SLC30A8: variants seen among roughly 807,000 people sequenced by gnomAD.
The protein encoded by SLC30A8 is solute carrier family 30 member 8, also known as proton-coupled zinc antiporter SLC30A8.
SLC30A8 carries 27 observed loss-of-function variants against 36.9 expected under a neutral mutation model. The ratio of observed to expected loss-of-function variants is 0.73; its 90% CI spans 0.54 to 1.01. The LOEUF is 1.01. Among genes scored for constraint, SLC30A8 ranks in the 50% least tolerant of loss-of-function variants. The pLI is 0.00. For missense variants in SLC30A8, 439 were observed against 452.0 expected (o/e 0.97, Z 0.26); for synonymous variants, 164 against 172.4 (o/e 0.95, Z 0.38).
At chr8:117,067,546 C>A (rs1432045713) in intron 2 of SLC30A8, among the ~76,000 whole-genome samples, 1 of 152,058 alleles carries the variant, frequency 6.6e-6, no homozygotes, top group African/African-American at 2.4e-5. Context: ...TAACGAGAAT[C>A]CATCTTGAAA....
At position 117,174,912 on chromosome 8, in the gene SLC30A8, A is replaced by T. The variant is rs1367168452; in HGVS notation, c.*2231A>T. The T allele has an allele frequency of 1.3e-5, 2 of 152,146 alleles. No individual in the cohort carries two copies. The highest frequency in any genetic ancestry group is 4.9e-5 in the African/African-American group (2 of 41,124). The allele number at this position is 152,146 out of a possible 1,614,324, so 9.4% of individuals were successfully genotyped here. A position where few individuals can be genotyped will look rare whatever the true frequency, so the allele number is the denominator to read the frequency against. ...ACAATCTACAAGGGAGATTTTAAGG[A>T]TTTTGAGATGAAAAAACAGATGCTA... On this transcript the variant is annotated 3_prime_UTR_variant, in exon 8 of 8. Transcript: ENST00000456015.
chr8:117,117,977 T>C (rs1444223803), intron 2 of SLC30A8, among the ~76,000 whole-genome samples: 1 of 151,842 alleles, frequency 6.6e-6, no homozygotes, highest in Non-Finnish European at 1.5e-5. Context: ...GCTGTACTTG[T>C]AGGCTAAGAG....
intron 1 of SLC30A8, among the ~76,000 whole-genome samples, chr8:117,031,713 C>G (rs1449015737): frequency 6.6e-6 from 1 of 152,154 alleles, no homozygotes; most frequent in African/African-American, 2.4e-5. Flanking sequence ...AGCCGCCCAC[C>G]TCGGCCTCCC....
At chr8:117,027,956 A>G (rs1026009115) in intron 1 of SLC30A8, among the ~76,000 whole-genome samples, 3 of 152,160 alleles carry the variant, frequency 2.0e-5, no homozygotes, top group Non-Finnish European at 2.9e-5. Flanking sequence ...ATTTCATAGG[A>G]TTATCCTGAG....
chr8:117,077,299 A>G (rs1203462744), intron 2 of SLC30A8, among the ~76,000 whole-genome samples: 4 of 152,214 alleles, frequency 2.6e-5, no homozygotes, highest in South Asian at 4.1e-4. Context: ...GGAAATTTCA[A>G]TATTTTTGCA....
At chr8:117,144,835 G>T (rs1428297873) in intron 1 of SLC30A8, among the ~76,000 whole-genome samples, 5 of 152,092 alleles carry the variant, frequency 3.3e-5, no homozygotes, top group Admixed American at 3.3e-4. Flanking sequence ...TCAGCTCTAT[G>T]AGTCAGCATG....
Position 116,956,332 on chromosome 8 carries a change from A to G in SLC30A8, c.-266+5213A>G, listed in dbSNP as rs145820053. ...AGAGAAATTGAGTAACAGTCAAAAT[A>G]AGGGGTTAAGGTGAGAGAGTAAGAT... On this transcript the variant is annotated intron_variant, in intron 1 of 10. Transcript: ENST00000427715. 2.6e-5 allele frequency among the ~76,000 whole-genome samples: 4 copies of G among 152,318 alleles called. No homozygotes were observed. In the East Asian group the frequency reaches 7.7e-4, roughly 29 times the overall value.
At chr8:116,975,746 T>G (rs1363384810) in intron 1 of SLC30A8, among the ~76,000 whole-genome samples, 2 of 152,250 alleles carry the variant, frequency 1.3e-5, no homozygotes. Context: ...AGGAGGCTTT[T>G]TCTGCCTTTG....
At chr8:117,072,409 C>T (rs1277734628) in intron 2 of SLC30A8, among the ~76,000 whole-genome samples, 1 of 152,068 alleles carries the variant, frequency 6.6e-6, no homozygotes, top group Admixed American at 6.6e-5. Context: ...TTTTAAAAGC[C>T]TATCCCTAAT....
At chr8:117,064,178 G>T (rs1818101821) in intron 2 of SLC30A8, among the ~76,000 whole-genome samples, 2 of 152,052 alleles carry the variant, frequency 1.3e-5, no homozygotes, top group Admixed American at 6.6e-5. Flanking sequence ...TTTTAGTAGA[G>T]ATGAGGATTC....
At chr8:116,974,570 C>T (rs553987075) in intron 1 of SLC30A8, among the ~76,000 whole-genome samples, 1 of 152,282 alleles carries the variant, frequency 6.6e-6, no homozygotes, top group African/African-American at 2.4e-5. Flanking sequence ...GAAATAGGAA[C>T]ATTTTTACAC....
intron 3 of SLC30A8, 24 bp downstream of exon 3, chr8:117,153,114 A>G: frequency 6.5e-7 from 1 of 1,542,302 alleles, no homozygotes; most frequent in South Asian, 1.2e-5. Context: ...AGTGAGCAAT[A>G]ACAGCAGGCT....
intron 1 of SLC30A8, among the ~76,000 whole-genome samples, chr8:117,000,542 C>T (rs947736987): frequency 3.9e-5 from 6 of 152,110 alleles, no homozygotes; most frequent in Non-Finnish European, 7.3e-5. Context: ...TGGATCTAGA[C>T]ATTTGTTGAC....
chr8:117,145,517 A>G (rs1821856800), intron 1 of SLC30A8, among the ~76,000 whole-genome samples: 1 of 152,158 alleles, frequency 6.6e-6, no homozygotes, highest in Admixed American at 6.6e-5. Context: ...AAATGAAGTG[A>G]AAGCTAATAT....
chr8:117,018,493 G>A (rs1816592857), intron 1 of SLC30A8, among the ~76,000 whole-genome samples: 1 of 152,086 alleles, frequency 6.6e-6, no homozygotes, highest in African/African-American at 2.4e-5. Flanking sequence ...AGCAGCCACA[G>A]GGGGTTGGCG....
Position 117,154,326 on chromosome 8 carries a change from G to A in SLC30A8, c.418+1236G>A, listed in dbSNP as rs1167527610. Among the ~76,000 whole-genome samples the A allele has an allele frequency of 5.3e-5, 8 of 150,676 alleles. No individual in the cohort carries two copies. In the East Asian group the frequency reaches 5.9e-4, roughly 11 times the overall value. On this transcript the variant is annotated intron_variant, in intron 3 of 7. Coordinates refer to ENST00000456015, the MANE Select transcript of SLC30A8 (RefSeq NM_173851.3). ...CCTTCTATCAGCTGGAGGAGGTTCC[G>A]GCTGAATATTTTGTGCAAATCATGT...
intron 2 of SLC30A8, among the ~76,000 whole-genome samples, chr8:117,046,397 G>GTATCC (rs1321632848): frequency 2.6e-5 from 4 of 152,134 alleles, no homozygotes; most frequent in Non-Finnish European, 4.4e-5. Context: ...TTCCAAACAT[G>GTATCC]TTATTTGGGA....
intron 2 of SLC30A8, among the ~76,000 whole-genome samples, chr8:117,119,706 G>A (rs1034749584): frequency 3.3e-5 from 5 of 151,896 alleles, no homozygotes; most frequent in Non-Finnish European, 7.4e-5. Context: ...TTGGGAGATG[G>A]TAGAAGCTAT....
intron 2 of SLC30A8, among the ~76,000 whole-genome samples, chr8:117,124,144 C>T (rs1016963786): frequency 1.3e-5 from 2 of 151,928 alleles, no homozygotes; most frequent in Admixed American, 1.3e-4. Context: ...TATTGAGACT[C>T]ATACAGATTA....
Sources: gnomAD v4.1 joint callset for allele counts (sites outside exome capture counted in the v4.1 genomes callset) on GRCh38, gnomAD v4.1.1 for gene constraint, MANE v1.5 for transcripts, NCBI Gene and HGNC (gene_info 2026-07-23, HGNC 2026-07-21) for gene names.